Variants in SLIT3 observed in about 807,000 individuals in gnomAD.
SLIT3 encodes slit homolog 3 protein.
Under a neutral mutation model 184.0 loss-of-function variants are expected in SLIT3, and 68 were observed. That is an observed-to-expected ratio of 0.37 (90% CI 0.30 to 0.45). The LOEUF (loss-of-function observed/expected upper bound fraction) is 0.45. SLIT3 is among the 20% of genes least tolerant of loss of function. The pLI, the probability that SLIT3 is intolerant of heterozygous loss-of-function variation, is 1.00. For synonymous variants in SLIT3, 831 were observed against 828.6 expected, an observed-to-expected ratio of 1.00 and a Z score of -0.05; for missense variants, 1,707 against 2,026.0, an observed-to-expected ratio of 0.84 and a Z score of 3.02.
At chr5:168,748,575 G>A (rs987077352) in intron 19 of SLIT3, 141 bp from the exon 20 acceptor site, 1 of 779,186 alleles carries the variant, frequency 1.3e-6, no homozygotes, top group Non-Finnish European at 1.9e-6. Context: ...GAGGGTACCC[G>A]CTGGTCTCAT....
chr5:169,238,454 T>C (rs967982288), intron 3 of SLIT3, among the ~76,000 whole-genome samples: 13 of 151,942 alleles, frequency 8.6e-5, no homozygotes, highest in Non-Finnish European at 1.8e-4. Context: ...TAAAAACCTT[T>C]ATATGGGCTT....
chr5:168,675,716 C>T (rs1156430178), intron 32 of SLIT3, among the ~76,000 whole-genome samples: 2 of 152,154 alleles, frequency 1.3e-5, no homozygotes, highest in African/African-American at 4.8e-5. Context: ...AAAACAACAA[C>T]AACAAAAGAG....
chr5:168,907,961 T>TAGAG (rs1460303859), intron 4 of SLIT3, among the ~76,000 whole-genome samples: 6 of 82,470 alleles, frequency 7.3e-5, no homozygotes, highest in African/African-American at 2.3e-4. Context: ...TATATATATA[T>TAGAG]ATATATATAT....
intron 3 of SLIT3, among the ~76,000 whole-genome samples, chr5:169,216,856 C>T (rs978137540): frequency 4.6e-5 from 7 of 152,060 alleles, no homozygotes; most frequent in East Asian, 1.9e-4. Flanking sequence ...GGTTTGAAAC[C>T]GACTTATGAG....
chr5:168,981,785 G>C (rs996253152), intron 4 of SLIT3, among the ~76,000 whole-genome samples: 2 of 152,118 alleles, frequency 1.3e-5, no homozygotes, highest in African/African-American at 2.4e-5. Flanking sequence ...ATTATTCTTA[G>C]AGTCTTGGCT....
At chr5:168,870,136 T>C (rs1252531727) in intron 5 of SLIT3, among the ~76,000 whole-genome samples, 1 of 152,278 alleles carries the variant, frequency 6.6e-6, no homozygotes, top group Non-Finnish European at 1.5e-5. Context: ...TCTCAGGCTC[T>C]GAAAACCACC....
At chr5:169,060,308 C>G (rs1275786143) in intron 4 of SLIT3, among the ~76,000 whole-genome samples, 1 of 152,216 alleles carries the variant, frequency 6.6e-6, no homozygotes, top group Non-Finnish European at 1.5e-5. Flanking sequence ...AGGAGAATCA[C>G]TTGAACCCAG....
chr5:169,300,660 G>A lies in SLIT3; in HGVS notation c.50C>T (p.Ala17Val). Residue 17 changes from alanine (A) to valine (V), a missense_variant, in exon 1 of 36, where the codon GCG (alanine) becomes GTG (valine). By Grantham distance (64) the Ala-to-Val change is moderately conservative. Coordinates refer to ENST00000519560, the MANE Select transcript of SLIT3 (RefSeq NM_003062.4). This position sits in a 1 kb window ranked among gnomAD's most constrained non-coding sequence, Gnocchi z 4.1. ...GACGCTCGCCAGCGCCAAGGCCAGC[G>A]CCAGGCGGGCGCGCACGGCGGCGCC... The part of the protein sequence containing the change: ...GVGAAVRARL[A>V]LALALASVLS... The A allele has an allele frequency of 7.0e-7, 1 of 1,430,392 alleles. No individual in the cohort carries two copies. The allele number at this position is 1,430,392 out of a possible 1,614,324, so 88.6% of individuals were successfully genotyped here. A position where few individuals can be genotyped will look rare whatever the true frequency, so the allele number is the denominator to read the frequency against.
intron 4 of SLIT3, among the ~76,000 whole-genome samples, chr5:169,028,244 GAA>G (rs113331358): frequency 0.014 from 2,076 of 147,882 alleles, 89 homozygotes; most frequent in East Asian, 0.086. Flanking sequence ...TTAGTGATGG[GAA>G]AAAAAAAAAA....
intron 4 of SLIT3, among the ~76,000 whole-genome samples, chr5:169,057,590 A>T (rs1581360713): frequency 2.0e-5 from 3 of 152,146 alleles, no homozygotes; most frequent in Admixed American, 6.5e-5. Context: ...GCGTGCGAGG[A>T]CCTCTCAGTA....
chr5:169,116,269 C>T (rs1287878945), intron 4 of SLIT3, among the ~76,000 whole-genome samples: 1 of 152,154 alleles, frequency 6.6e-6, no homozygotes, highest in Non-Finnish European at 1.5e-5. Context: ...GAGAGGTGAG[C>T]AGACAGGTGT....
At chr5:168,911,859 G>T (rs1228036401) in intron 4 of SLIT3, among the ~76,000 whole-genome samples, 1 of 152,190 alleles carries the variant, frequency 6.6e-6, no homozygotes, top group Non-Finnish European at 1.5e-5. Context: ...TTTTAAAACT[G>T]CATGAAACCT....
rs780439469 is a variant in SLIT3 at position 168,776,950 on chromosome 5, G to A, written c.1152-2572C>T. 2.0e-5 allele frequency among the ~76,000 whole-genome samples: 3 copies of A among 152,106 alleles called. No homozygotes were observed. The East Asian group carries it at 5.8e-4, about 29-fold the overall frequency. On this transcript the variant is annotated intron_variant, in intron 12 of 35. Transcript: ENST00000519560. ...GAACTATTCAGTACACAACAGGTCA[G>A]AGGTGCCCATTTGATAGCCTGAGGA...
intron 12 of SLIT3, among the ~76,000 whole-genome samples, chr5:168,775,423 C>T (rs191215649): frequency 6.6e-6 from 1 of 152,276 alleles, no homozygotes; most frequent in Non-Finnish European, 1.5e-5. Flanking sequence ...GCAGGGCTGC[C>T]TTCTTTTCCT....
At chr5:169,077,421 C>T (rs1758788738) in intron 4 of SLIT3, among the ~76,000 whole-genome samples, 1 of 151,946 alleles carries the variant, frequency 6.6e-6, no homozygotes, top group Admixed American at 6.6e-5. Context: ...TGCCTGTAAT[C>T]CCAGCTACTT....
chr5:168,946,582 G>C (rs1489041393), intron 4 of SLIT3, among the ~76,000 whole-genome samples: 1 of 152,304 alleles, frequency 6.6e-6, no homozygotes, highest in East Asian at 1.9e-4. Context: ...GTGATGGCAG[G>C]GACCACCTGG....
At chr5:168,751,775 C>CAGGCTGG (rs1754724461) in intron 18 of SLIT3, among the ~76,000 whole-genome samples, 1 of 150,922 alleles carries the variant, frequency 6.6e-6, no homozygotes, top group Admixed American at 6.6e-5. Context: ...GCTCTGTTGC[C>CAGGCTGG]AGGCTGGAGT....
At position 169,147,907 on chromosome 5, in the gene SLIT3, G is replaced by A. The variant is rs372366795; in HGVS notation, c.413+45572C>T. 8.3e-4 allele frequency among the ~76,000 whole-genome samples: 127 copies of A among 152,194 alleles called. No individual in the cohort carries two copies. The Middle Eastern group carries it at 0.017, about 20-fold the overall frequency. The stretch of plus-strand genomic sequence containing the variant: ...GCTGTGTGCCTTTCCCTTTTCCTCC[G>A]TCTTCTCTCTGCCCCCTCCTTGGCT... On this transcript the variant is annotated intron_variant, in intron 4 of 35. Transcript: ENST00000519560.
chr5:168,717,270 G>A (rs1487145788), intron 23 of SLIT3, among the ~76,000 whole-genome samples: 15 of 139,334 alleles, frequency 1.1e-4, no homozygotes, highest in Admixed American at 2.9e-4. Context: ...GGATAACAGC[G>A]GTATATCCTT....
Sources: gnomAD v4.1 joint callset for allele counts (sites outside exome capture counted in the v4.1 genomes callset) on GRCh38, gnomAD v4.1.1 for gene constraint, Gnocchi (gnomAD v3.1) non-coding constraint, MANE v1.5 for transcripts, NCBI Gene and HGNC (gene_info 2026-07-23, HGNC 2026-07-21) for gene names.